The following DYSF variants were observed in gnomAD, a reference collection of about 807,000 sequenced individuals.
DYSF encodes the protein dysferlin.
DYSF carries 212 observed loss-of-function variants against 274.9 expected under a neutral mutation model. The ratio of observed to expected loss-of-function variants is 0.77; its 90% CI spans 0.69 to 0.86. The LOEUF is 0.86. DYSF is among the 40% of genes least tolerant of loss of function. DYSF has a pLI of 0.00. For missense variants in DYSF, 2,666 were observed against 2,783.2 expected, an observed-to-expected ratio of 0.96 and a Z score of 0.95; for synonymous variants, 1,091 against 1,078.7, an observed-to-expected ratio of 1.01 and a Z score of -0.22.
intron 32 of DYSF, among the ~76,000 whole-genome samples, chr2:71,597,047 G>A (rs747340172): frequency 5.9e-5 from 9 of 152,182 alleles, no homozygotes; most frequent in Admixed American, 3.3e-4. Flanking sequence ...CCTGTGCAGT[G>A]GCCATGGTGT....
intron 1 of DYSF, among the ~76,000 whole-genome samples, chr2:71,460,744 A>G (rs550689027): frequency 6.6e-6 from 1 of 152,062 alleles, no homozygotes; most frequent in Non-Finnish European, 1.5e-5. Flanking sequence ...GATTTGCAGA[A>G]CAGATGTGGG....
At chr2:71,650,624 G>T (rs1360840368) in intron 42 of DYSF, among the ~76,000 whole-genome samples, 2 of 152,110 alleles carry the variant, frequency 1.3e-5, no homozygotes, top group Admixed American at 1.3e-4. Context: ...CATGTAACAG[G>T]CCATGAAGAA....
chr2:71,612,468 G>A (rs543055093), intron 38 of DYSF, among the ~76,000 whole-genome samples, 173 bp from the exon 39 acceptor site: 24 of 152,334 alleles, frequency 1.6e-4, no homozygotes, highest in Middle Eastern at 3.4e-3. Context: ...TCAAGGGGCC[G>A]ACAGAAAAGG....
At chr2:71,587,313 CGA>C (rs2093103861) in intron 30 of DYSF, among the ~76,000 whole-genome samples, 2 of 152,100 alleles carry the variant, frequency 1.3e-5, no homozygotes, top group South Asian at 4.1e-4. Context: ...TGAGAGAGAG[CGA>C]GAGAGGGGGA....
At chr2:71,553,244 A>G in intron 20 of DYSF, 56 bp downstream of exon 20, 8 of 1,610,426 alleles carry the variant, frequency 5.0e-6, no homozygotes, top group South Asian at 4.4e-5. Context: ...GCAGGGGGCC[A>G]CACCTTAAAT....
intron 53 of DYSF, among the ~76,000 whole-genome samples, chr2:71,680,407 A>G (rs938114140): frequency 1.3e-5 from 2 of 152,190 alleles, no homozygotes; most frequent in African/African-American, 2.4e-5. Flanking sequence ...TTGATAACAT[A>G]TAGTAACAGA....
At chr2:71,663,384 C>T (rs950678206) in intron 45 of DYSF, among the ~76,000 whole-genome samples, 2 of 152,232 alleles carry the variant, frequency 1.3e-5, no homozygotes, top group African/African-American at 4.8e-5. Flanking sequence ...CACAATCTCT[C>T]GCTGCTACAA....
chr2:71,617,316 T>C (rs1300025855), intron 40 of DYSF, among the ~76,000 whole-genome samples: 1 of 152,134 alleles, frequency 6.6e-6, no homozygotes, highest in Non-Finnish European at 1.5e-5. Flanking sequence ...ATGAGTGATG[T>C]CAAAGTGAGG....
At chr2:71,552,541 A>C (rs1284432893) in intron 19 of DYSF, among the ~76,000 whole-genome samples, 1 of 152,198 alleles carries the variant, frequency 6.6e-6, no homozygotes. Context: ...CTTTCATCCC[A>C]GGCACATGAC....
chr2:71,630,148 A>T (rs1386413998), intron 41 of DYSF, among the ~76,000 whole-genome samples: 1 of 152,174 alleles, frequency 6.6e-6, no homozygotes, highest in Non-Finnish European at 1.5e-5. Context: ...GATTCTTTCC[A>T]TAAATTCATG....
In DYSF at chr2:71,539,221, C is replaced by A; in HGVS notation, c.1558C>A (p.Pro520Thr). Residue 520 changes from proline (P) to threonine (T), a missense_variant, in exon 17 of 56, where the codon CCT (proline) becomes ACT (threonine). Around this residue, in one of 3 missense-constraint regions of DYSF, gnomAD observed 794 missense variants for 777.1 expected, o/e 1.02. Transcript: ENST00000410020. ...CCTGAGTATGTCGAAAATCTCTGCC[C>A]CTGGAGGAGAAATAGAAGGTATGTT... is the stretch of plus-strand genomic sequence containing the variant. ...TYLSMSKISA[P>T]GGEIEVDDYL... 1.2e-6 allele frequency: 2 copies of A among 1,614,070 alleles called. No homozygotes were observed. Among genetic ancestry groups the A allele is most frequent in the Non-Finnish European group, 1.7e-6 (2 of 1,179,976 alleles).
At chr2:71,572,197 A>G (rs2092525180) in intron 29 of DYSF, among the ~76,000 whole-genome samples, 1 of 144,824 alleles carries the variant, frequency 6.9e-6, no homozygotes. Context: ...CACAGATTAC[A>G]TCCAGCACAC....
intron 1 of DYSF, 69 bp from the exon 2 acceptor site, chr2:71,480,814 T>G: frequency 1.4e-6 from 2 of 1,442,338 alleles, no homozygotes; most frequent in African/African-American, 1.4e-5. Context: ...TCTCAGAAGC[T>G]GAGCCTAACT....
chr2:71,530,440 G>A (rs2088553805), intron 14 of DYSF, among the ~76,000 whole-genome samples: 1 of 152,190 alleles, frequency 6.6e-6, no homozygotes, highest in African/African-American at 2.4e-5. Context: ...ATCTCCCTGG[G>A]TCTTCTGTTC....
chr2:71,653,766 A>T (rs991023895), intron 42 of DYSF, among the ~76,000 whole-genome samples: 35 of 152,094 alleles, frequency 2.3e-4, no homozygotes, highest in Non-Finnish European at 3.5e-4. Flanking sequence ...CATATGTAAC[A>T]GACCTGCACA....
chr2:71,600,904 T>C, intron 34 of DYSF, 62 bp downstream of exon 34: 3 of 1,597,274 alleles, frequency 1.9e-6, no homozygotes, highest in Non-Finnish European at 2.5e-6. Context: ...GGGCCAACCC[T>C]CTGTGGGAGC....
At chr2:71,589,954 T>C (rs898013585) in intron 31 of DYSF, among the ~76,000 whole-genome samples, 5 of 152,150 alleles carry the variant, frequency 3.3e-5, no homozygotes, top group African/African-American at 1.2e-4. Flanking sequence ...ATTGTCTATT[T>C]GGCCTCCCCT....
At chr2:71,669,071 G>A in intron 49 of DYSF, 41 bp from the exon 50 acceptor site, 2 of 1,527,908 alleles carry the variant, frequency 1.3e-6, no homozygotes, top group Non-Finnish European at 1.8e-6. Context: ...CCCATCCTTT[G>A]GTAGGAAATC....
intron 33 of DYSF, among the ~76,000 whole-genome samples, 167 bp downstream of exon 33, chr2:71,598,912 C>T (rs2093473152): frequency 6.6e-6 from 1 of 152,190 alleles, no homozygotes; most frequent in South Asian, 2.1e-4. Flanking sequence ...ATTGCTAGCA[C>T]AGATGCCGTT....
Sources: allele counts gnomAD v4.1 joint callset (sites outside exome capture counted in the v4.1 genomes callset), GRCh38; gene constraint gnomAD v4.1.1; regional missense constraint gnomAD v4.1.1; transcripts MANE v1.5; gene names NCBI Gene and HGNC (gene_info 2026-07-23, HGNC 2026-07-21).